The following WSCD1 variants were observed in gnomAD, a reference collection of about 807,000 sequenced individuals.
The protein encoded by WSCD1 is WSC domain sialate O sulfotransferase 1, also known as sialate:O-sulfotransferase 1.
WSCD1 carries 41 observed loss-of-function variants against 60.4 expected under a neutral mutation model. The ratio of observed to expected loss-of-function variants is 0.68; its 90% CI spans 0.53 to 0.88. The LOEUF (loss-of-function observed/expected upper bound fraction) is 0.88. Ranked by LOEUF, WSCD1 falls within the 40% of genes least tolerant of loss-of-function variation. The pLI is 0.00. For synonymous variants in WSCD1, 361 were observed against 332.5 expected (o/e 1.09, Z -0.93); for missense variants, 784 against 796.2 (o/e 0.98, Z 0.18).
chr17:6,074,093 A>G (rs1908703640), intron 1 of WSCD1, among the ~76,000 whole-genome samples: 1 of 152,230 alleles, frequency 6.6e-6, no homozygotes, highest in South Asian at 2.1e-4. Flanking sequence ...TTTTATTTAT[A>G]TGAACCCCAA....
rs147796463 is a variant in WSCD1 at position 6,091,900 on chromosome 17, T to C, written c.727+1395T>C. Reference sequence around the variant, plus strand: ...AGCCGGGCGCGGTGGCTCACGCCTGTAATCCCAGCACTTTGGGAGGCCAAG... The same window carrying C: ...AGCCGGGCGCGGTGGCTCACGCCTGCAATCCCAGCACTTTGGGAGGCCAAG... On this transcript the variant is annotated intron_variant, in intron 4 of 8. Coordinates refer to ENST00000317744, the MANE Select transcript of WSCD1 (RefSeq NM_015253.2). Among the ~76,000 whole-genome samples the C allele has an allele frequency of 3.7e-3, 563 of 152,266 alleles. 2 individuals carry two copies. Among genetic ancestry groups the C allele is most frequent in the Middle Eastern group, 0.014 (4 of 294 alleles).
At chr17:6,079,289 G>A (rs953350757) in intron 1 of WSCD1, among the ~76,000 whole-genome samples, 4 of 152,218 alleles carry the variant, frequency 2.6e-5, no homozygotes, top group African/African-American at 7.2e-5. Context: ...AGTTAGTTAC[G>A]GGCAGTGGCT....
chr17:6,071,863 C>T (rs959249596), intron 1 of WSCD1, among the ~76,000 whole-genome samples: 3 of 152,338 alleles, frequency 2.0e-5, no homozygotes, highest in South Asian at 4.1e-4. Flanking sequence ...CCCCCACACA[C>T]TTAGATTGGC....
intron 2 of WSCD1, among the ~76,000 whole-genome samples, chr17:6,085,582 C>T (rs1232333868): frequency 6.6e-6 from 1 of 152,170 alleles, no homozygotes; most frequent in Non-Finnish European, 1.5e-5. Flanking sequence ...CCATCCACTT[C>T]CTCAGAAGCA....
At chr17:6,086,046 A>G (rs1403697670) in intron 2 of WSCD1, among the ~76,000 whole-genome samples, 1 of 151,756 alleles carries the variant, frequency 6.6e-6, no homozygotes, top group East Asian at 1.9e-4. Context: ...TGGGAACCAG[A>G]CCCTTTGGCA....
intron 4 of WSCD1, among the ~76,000 whole-genome samples, chr17:6,094,194 G>T (rs989131437): frequency 6.6e-6 from 1 of 152,214 alleles, no homozygotes; most frequent in Non-Finnish European, 1.5e-5. Flanking sequence ...AGTTTGTTCA[G>T]CTCCAAGGAA....
chr17:6,073,003 C>T (rs1908635738), intron 1 of WSCD1, among the ~76,000 whole-genome samples: 2 of 152,212 alleles, frequency 1.3e-5, no homozygotes, highest in Non-Finnish European at 1.5e-5. Context: ...GCTTCCCTTC[C>T]TTTGCTGCCG....
intron 3 of WSCD1, 52 bp from the exon 4 acceptor site, chr17:6,090,269 C>T: frequency 6.7e-7 from 1 of 1,497,614 alleles, no homozygotes; most frequent in Non-Finnish European, 8.9e-7. Context: ...GTTTAGACCG[C>T]AGCCCTAGCT....
intron 5 of WSCD1, among the ~76,000 whole-genome samples, chr17:6,100,897 A>G (rs6502909): frequency 0.53 from 81,292 of 152,054 alleles, 22,517 homozygotes; most frequent in East Asian, 0.87. Context: ...CCTGGGGAGC[A>G]ATGGTCTCTT....
In WSCD1 at chr17:6,109,725, G is replaced by A. The variant is rs1309862170; in HGVS notation, c.968G>A (p.Arg323Lys). ...SVCGQDPEAQ[R>K]LAEYCEVYQT... ...TGTGGCCAGGACCCTGAGGCACAGAGGCTGGCAGAATACTGTGAGGTCTAC... is the reference window on the plus strand; with the variant it reads ...TGTGGCCAGGACCCTGAGGCACAGAAGCTGGCAGAATACTGTGAGGTCTAC... The change falls in exon 6 of 9, where the codon AGG becomes AAG. Residue 323 changes from arginine (R) to lysine (K), a missense_variant. Transcript: ENST00000317744. 4 of 1,614,150 alleles carry A rather than the reference G, an allele frequency of 2.5e-6. No individual in the cohort carries two copies. Among genetic ancestry groups the A allele is most frequent in the Non-Finnish European group, 2.5e-6 (3 of 1,180,006 alleles).
At chr17:6,082,220 A>G (rs867104985) in intron 2 of WSCD1, among the ~76,000 whole-genome samples, 5 of 152,182 alleles carry the variant, frequency 3.3e-5, no homozygotes, top group Non-Finnish European at 4.4e-5. Flanking sequence ...CCCTAGAAGC[A>G]AACTCTGAAA....
chr17:6,090,818 C>T (rs1597357714), intron 4 of WSCD1, among the ~76,000 whole-genome samples: 1 of 152,288 alleles, frequency 6.6e-6, no homozygotes, highest in South Asian at 2.1e-4. Context: ...CTGCCCCTCT[C>T]TGAGCTACGG....
intron 4 of WSCD1, 94 bp from the exon 5 acceptor site, chr17:6,095,008 C>A: frequency 6.6e-7 from 1 of 1,515,408 alleles, no homozygotes. Context: ...TTTATTTATA[C>A]CTGTCTCAGG....
chr17:6,114,474 G>A (rs1204625390), intron 7 of WSCD1, among the ~76,000 whole-genome samples: 1 of 152,084 alleles, frequency 6.6e-6, no homozygotes, highest in South Asian at 2.1e-4. Context: ...TTGATTGTAT[G>A]TTTTCAAGTA....
At chr17:6,111,049 T>G in intron 7 of WSCD1, 114 bp downstream of exon 7, 1 of 1,348,064 alleles carries the variant, frequency 7.4e-7, no homozygotes, top group Non-Finnish European at 9.8e-7. Flanking sequence ...TGAGTGTACA[T>G]AAGAGTCACC....
chr17:6,085,431 A>G (rs1161550817), intron 2 of WSCD1, among the ~76,000 whole-genome samples: 1 of 152,092 alleles, frequency 6.6e-6, no homozygotes, highest in African/African-American at 2.4e-5. Flanking sequence ...GTGTTACCTT[A>G]TGGAATTTTC....
At chr17:6,102,077 C>A (rs1343384547) in intron 5 of WSCD1, among the ~76,000 whole-genome samples, 1 of 152,154 alleles carries the variant, frequency 6.6e-6, no homozygotes, top group Non-Finnish European at 1.5e-5. Context: ...TTCTTTTTCC[C>A]CTCTTTTAGC....
chr17:6,105,639 C>T (rs927527594), intron 5 of WSCD1, among the ~76,000 whole-genome samples: 1 of 152,138 alleles, frequency 6.6e-6, no homozygotes. Context: ...TGCAAACACC[C>T]GGAAACTTGA....
chr17:6,109,024 G>T (rs948859707), intron 5 of WSCD1, among the ~76,000 whole-genome samples: 3 of 152,200 alleles, frequency 2.0e-5, no homozygotes, highest in South Asian at 2.1e-4. Context: ...TCTGGCATGA[G>T]AGTTGGTTTT....
Sources: allele counts gnomAD v4.1 joint callset (sites outside exome capture counted in the v4.1 genomes callset), GRCh38; gene constraint gnomAD v4.1.1; transcripts MANE v1.5; gene names NCBI Gene and HGNC (gene_info 2026-07-23, HGNC 2026-07-21).